Variants in PPM1L observed in about 807,000 individuals in gnomAD.
The protein encoded by PPM1L is protein phosphatase 1L.
Under a neutral mutation model 31.4 loss-of-function variants are expected in PPM1L, and 13 were observed. That is an observed-to-expected ratio of 0.41 (90% CI 0.27 to 0.66). PPM1L has a LOEUF of 0.66. Among genes scored for constraint, PPM1L ranks in the 30% least tolerant of loss-of-function variants. PPM1L has a pLI of 0.29. For synonymous variants in PPM1L, 184 were observed against 175.4 expected (o/e 1.05, Z -0.39); for missense variants, 326 against 453.7 (o/e 0.72, Z 2.56).
chr3:160,779,382 C>G (rs1040138437), intron 1 of PPM1L, among the ~76,000 whole-genome samples: 3 of 152,140 alleles, frequency 2.0e-5, no homozygotes, highest in Admixed American at 2.0e-4. Context: ...GAGCAAATAA[C>G]TTCTACACCC....
At chr3:160,805,514 G>A (rs997628862) in intron 1 of PPM1L, among the ~76,000 whole-genome samples, 1 of 152,128 alleles carries the variant, frequency 6.6e-6, no homozygotes, top group African/African-American at 2.4e-5. Flanking sequence ...TTGAGGTCAG[G>A]AGTTCAAGAC....
At chr3:160,762,402 C>T (rs1714992653) in intron 1 of PPM1L, among the ~76,000 whole-genome samples, 1 of 152,138 alleles carries the variant, frequency 6.6e-6, no homozygotes, top group South Asian at 2.1e-4. Context: ...GCTGCGTCTT[C>T]TGAACAGGTT....
At chr3:160,791,227 A>C (rs56660067) in intron 1 of PPM1L, among the ~76,000 whole-genome samples, 245 of 152,312 alleles carry the variant, frequency 1.6e-3, no homozygotes, top group African/African-American at 5.7e-3. Flanking sequence ...TTATATGTCA[A>C]AGAAGGAGTG....
At chr3:160,884,852 G>A (rs1456550862) in intron 1 of PPM1L, among the ~76,000 whole-genome samples, 1 of 152,186 alleles carries the variant, frequency 6.6e-6, no homozygotes, top group African/African-American at 2.4e-5. Context: ...AGTTTGCTAT[G>A]CTAATGAGTA....
chr3:160,767,487 G>A (rs909844491), intron 1 of PPM1L, among the ~76,000 whole-genome samples: 9 of 151,970 alleles, frequency 5.9e-5, no homozygotes, highest in Admixed American at 5.2e-4. Context: ...CACCCGCCTC[G>A]GCCTCCCAAA....
At chr3:160,795,450 AC>A (rs1489015879) in intron 1 of PPM1L, among the ~76,000 whole-genome samples, 1 of 152,122 alleles carries the variant, frequency 6.6e-6, no homozygotes, top group Non-Finnish European at 1.5e-5. Context: ...ATTGCCAAGT[AC>A]CCTGCTGGGG....
chr3:160,903,640 T>C (rs1353064740), intron 1 of PPM1L, among the ~76,000 whole-genome samples: 1 of 152,118 alleles, frequency 6.6e-6, no homozygotes, highest in African/African-American at 2.4e-5. Flanking sequence ...TTTCTATTAC[T>C]TCAATTATTA....
Position 161,072,747 on chromosome 3 carries a change from A to C in PPM1L, c.*3590A>C, listed in dbSNP as rs940450269. On this transcript the variant is annotated 3_prime_UTR_variant, in exon 4 of 4. Transcript: ENST00000498165. Reference sequence around the variant, plus strand: ...TTTTTGTTCTCTAAGTTGTTGCCAGATCTCTCTTGCAACTGTGTCAATGAA... The same window carrying C: ...TTTTTGTTCTCTAAGTTGTTGCCAGCTCTCTCTTGCAACTGTGTCAATGAA... The C allele has an allele frequency of 3.9e-5, 6 of 152,188 alleles. No individual in the cohort carries two copies. Among genetic ancestry groups the C allele is most frequent in the African/African-American group, 1.4e-4 (6 of 41,446 alleles). 9.4% of individuals were successfully genotyped at this position (152,188 alleles called of 1,614,324 possible).
intron 1 of PPM1L, among the ~76,000 whole-genome samples, chr3:160,871,175 A>G (rs1010088632): frequency 2.6e-5 from 4 of 152,180 alleles, no homozygotes; most frequent in African/African-American, 9.7e-5. Flanking sequence ...TTGTACTCCA[A>G]ACTATTTTCT....
chr3:160,993,649 C>T (rs760623349), intron 2 of PPM1L, among the ~76,000 whole-genome samples: 6 of 151,986 alleles, frequency 3.9e-5, no homozygotes, highest in African/African-American at 7.3e-5. Flanking sequence ...GTGGAGGGAC[C>T]GAGATTCCCA....
chr3:160,779,939 A>G (rs1017545722), intron 1 of PPM1L, among the ~76,000 whole-genome samples: 1 of 152,106 alleles, frequency 6.6e-6, no homozygotes, highest in East Asian at 1.9e-4. Flanking sequence ...TATGTACCTC[A>G]TAGGACTGTT....
At chr3:160,978,847 AAGAGAGAAAGAG>A (rs944821505) in intron 2 of PPM1L, among the ~76,000 whole-genome samples, 2 of 151,986 alleles carry the variant, frequency 1.3e-5, no homozygotes, top group African/African-American at 4.8e-5. Context: ...GAAAGAAAGA[AAGAGAGAAAGAG>A]AGAGAGAAAG....
chr3:161,009,696 A>C, intron 2 of PPM1L, among the ~76,000 whole-genome samples: 1 of 152,188 alleles, frequency 6.6e-6, no homozygotes, highest in Admixed American at 6.5e-5. Context: ...GTAAGACTAT[A>C]TATAGACTGT....
At chr3:161,018,512 T>C (rs940217561) in intron 2 of PPM1L, among the ~76,000 whole-genome samples, 1 of 152,200 alleles carries the variant, frequency 6.6e-6, no homozygotes, top group African/African-American at 2.4e-5. Flanking sequence ...TAAACTACAA[T>C]TGATGATAAA....
chr3:160,817,234 A>C (rs546169452), intron 1 of PPM1L, among the ~76,000 whole-genome samples: 23 of 152,196 alleles, frequency 1.5e-4, no homozygotes, highest in African/African-American at 5.5e-4. Flanking sequence ...ATATAAGATT[A>C]TATGTCAGAC....
chr3:160,883,530 G>T (rs1482226750), intron 1 of PPM1L, among the ~76,000 whole-genome samples: 1 of 151,982 alleles, frequency 6.6e-6, no homozygotes, highest in Non-Finnish European at 1.5e-5. Context: ...GAGAAATGAA[G>T]GTCTACAAAC....
At position 160,774,200 on chromosome 3, in the gene PPM1L, C is replaced by T. The variant is rs556848339; in HGVS notation, c.399+17493C>T. Among the ~76,000 whole-genome samples the T allele has an allele frequency of 2.0e-5, 3 of 152,302 alleles. No homozygotes were observed. The South Asian group carries it at 6.2e-4, about 32-fold the overall frequency. On this transcript the variant is annotated intron_variant, in intron 1 of 3. Coordinates refer to ENST00000498165, the MANE Select transcript of PPM1L (RefSeq NM_139245.4). ...TCTCATGGTCGTGCCTTTATTCTCT[C>T]AGTCCGCCACTCCTGAAGCTGCTGT...
chr3:160,952,453 C>T (rs1715603575), intron 1 of PPM1L, among the ~76,000 whole-genome samples: 1 of 152,176 alleles, frequency 6.6e-6, no homozygotes, highest in African/African-American at 2.4e-5. Context: ...GAAGGATTCC[C>T]ATGATAATCT....
chr3:160,918,897 T>C (rs1714285873), intron 1 of PPM1L, among the ~76,000 whole-genome samples: 1 of 152,078 alleles, frequency 6.6e-6, no homozygotes, highest in Non-Finnish European at 1.5e-5. Flanking sequence ...GGCAATAACA[T>C]TAAAGTTCAA....
Sources: gnomAD v4.1 joint callset for allele counts (sites outside exome capture counted in the v4.1 genomes callset) on GRCh38, gnomAD v4.1.1 for gene constraint, MANE v1.5 for transcripts, NCBI Gene and HGNC (gene_info 2026-07-23, HGNC 2026-07-21) for gene names.